TMEM145: variants seen among roughly 807,000 people sequenced by gnomAD.
The protein encoded by TMEM145 is transmembrane protein 145.
A neutral mutation model predicts 68.5 loss-of-function variants in TMEM145; 46 were observed. That is an observed-to-expected ratio of 0.67 (90% CI 0.53 to 0.86). TMEM145 has a LOEUF of 0.86. Ranked by LOEUF, TMEM145 falls within the 40% of genes least tolerant of loss-of-function variation. The probability of loss-of-function intolerance (pLI) is 0.00; values close to 1 mark genes in which losing one functional copy is unlikely to be tolerated. For missense variants in TMEM145, 570 were observed against 645.8 expected, an observed-to-expected ratio of 0.88 and a Z score of 1.27; for synonymous variants, 255 against 280.2, an observed-to-expected ratio of 0.91 and a Z score of 0.90.
chr19:42,316,423 A>G, intron 8 of TMEM145, 58 bp from the exon 9 acceptor site: 2 of 1,527,272 alleles, frequency 1.3e-6, no homozygotes, highest in East Asian at 4.5e-5. Context: ...AGTGCTAGAG[A>G]ACAGTGATGC....
intron 8 of TMEM145, among the ~76,000 whole-genome samples, chr19:42,316,203 G>T (rs866944465): frequency 2.0e-5 from 3 of 148,542 alleles, no homozygotes; most frequent in Non-Finnish European, 4.5e-5. Context: ...TGAAGGAGGA[G>T]GGGGTGGGGG....
At chr19:42,314,406 C>T in intron 2 of TMEM145, 45 bp from the exon 3 acceptor site, 1 of 1,613,834 alleles carries the variant, frequency 6.2e-7, no homozygotes, top group Non-Finnish European at 8.5e-7. Flanking sequence ...CCTCCAAAGG[C>T]ACAGGCTGCC....
chr19:42,319,723 C>G lies in TMEM145; in HGVS notation c.1074-594C>G, dbSNP rs142755566. ...TTGGCCTCCCAAAGTACTGGGATTACAGGCATAAGCCACTGTGCCCGGCCT... is the reference window on the plus strand; with the variant it reads ...TTGGCCTCCCAAAGTACTGGGATTAGAGGCATAAGCCACTGTGCCCGGCCT... On this transcript the variant is annotated intron_variant, in intron 12 of 14. Transcript: ENST00000301204. Among the ~76,000 whole-genome samples, 206 of 145,428 alleles carry G rather than the reference C, an allele frequency of 1.4e-3. 1 individual carries two copies. The highest frequency in any genetic ancestry group is 5.0e-3 in the African/African-American group (197 of 39,234).
chr19:42,319,486 G>A (rs776688120), intron 12 of TMEM145, among the ~76,000 whole-genome samples: 4 of 151,836 alleles, frequency 2.6e-5, no homozygotes, highest in East Asian at 1.9e-4. Flanking sequence ...TTGCTCTGTC[G>A]CCCAGGCTGG....
chr19:42,321,961 G>A (rs370664830), intron 13 of TMEM145, among the ~76,000 whole-genome samples: 6 of 152,234 alleles, frequency 3.9e-5, no homozygotes, highest in African/African-American at 9.6e-5. Context: ...CCAGGGCTCC[G>A]TGGCCTTTGG....
In TMEM145 at chr19:42,314,313, C is replaced by T. The variant is rs138198460; in HGVS notation, c.162C>T (p.Tyr54=). 4.3e-6 allele frequency: 7 copies of T among 1,613,948 alleles called. No homozygotes were observed. The highest frequency in any genetic ancestry group is 5.1e-6 in the Non-Finnish European group (6 of 1,180,024). The change falls in exon 2 of 15, where the codon TAC becomes TAT. Residue 54 remains tyrosine (Y), a synonymous_variant. Transcript: ENST00000301204. ...FLTRFCFLSD[Y]GRLDFRFRYP... ...CAAGATTTTGTTTCCTCTCGGATTA[C>T]GGCCGACTGGACTTCCGTTTCCGCT...
Position 42,316,744 on chromosome 19 carries a change from C to A in TMEM145, c.806+4C>A, listed in dbSNP as rs903626818. On this transcript the variant is annotated splice_donor_region_variant and intron_variant, in intron 10 of 14. Transcript: ENST00000301204. ...GGAAGGGATTCACGGTGACACGGTG[C>A]CCGGGCAGGGCGTGCTCGTGGGGCG... 6.2e-7 allele frequency: 1 copy of A among 1,613,216 alleles called. No homozygotes were observed. The highest frequency in any genetic ancestry group is 8.5e-7 in the Non-Finnish European group (1 of 1,179,900).
chr19:42,324,798 G>C lies in TMEM145; in HGVS notation c.1463G>C (p.Gly488Ala), dbSNP rs757904720. The C allele has an allele frequency of 1.3e-6, 2 of 1,568,582 alleles. No individual in the cohort carries two copies. The highest frequency in any genetic ancestry group is 5.0e-5 in the East Asian group (2 of 40,384). ...CTGTTCCGTGACCTCCGGCCCCCTG[G>C]CCCCCTTCGAGACCTCTGACCCCGC... ...LPLFRDLRPP[G>A]PLRDL The change falls in exon 15 of 15, where the codon GGC becomes GCC. Residue 488 changes from glycine to alanine, a missense_variant. Transcript: ENST00000301204.
At chr19:42,319,992 C>A (rs1027119757) in intron 12 of TMEM145, among the ~76,000 whole-genome samples, 6 of 152,176 alleles carry the variant, frequency 3.9e-5, no homozygotes, top group African/African-American at 1.4e-4. Context: ...CTCCCAACCT[C>A]AGGTGATCTG....
At chr19:42,322,305 C>T (rs1016685835) in intron 13 of TMEM145, among the ~76,000 whole-genome samples, 2 of 152,188 alleles carry the variant, frequency 1.3e-5, no homozygotes, top group Admixed American at 6.5e-5. Context: ...CATTTCCACC[C>T]TCTCATCTTT....
chr19:42,322,816 C>G (rs1324979318), intron 13 of TMEM145, among the ~76,000 whole-genome samples: 1 of 151,998 alleles, frequency 6.6e-6, no homozygotes, highest in African/African-American at 2.4e-5. Context: ...AATTCTCCTG[C>G]CTTAGCCTCC....
At chr19:42,324,371 CCACTTCCCGCT>C in intron 14 of TMEM145, 1 of 985,262 alleles carries the variant, frequency 1.0e-6, no homozygotes, top group Non-Finnish European at 1.2e-6. Flanking sequence ...AGCCTCCCCC[CCACTTCCCGCT>C]CGGTTCCCCA....
chr19:42,314,327 TC>T lies in TMEM145; in HGVS notation c.178del (p.Arg60ValfsTer40). The T allele has an allele frequency of 6.2e-7, 1 of 1,614,026 alleles. No homozygotes were observed. The highest frequency in any genetic ancestry group is 8.5e-7 in the Non-Finnish European group (1 of 1,180,006). ...CFLSDYGRLDFRFRYPEAKCC... is the reference protein window; with the variant it reads ...CFLSDYGRLDXRFRYPEAKCC... ...CTCTCGGATTACGGCCGACTGGACTTCCGTTTCCGCTACCCTGAGGTGAGTC... is the reference window on the plus strand; with the variant it reads ...CTCTCGGATTACGGCCGACTGGACTTCGTTTCCGCTACCCTGAGGTGAGTC... On this transcript the variant is annotated frameshift_variant, in exon 2 of 15. Coordinates refer to ENST00000301204, the MANE Select transcript of TMEM145 (RefSeq NM_173633.3). LOFTEE classifies it high-confidence loss of function.
At chr19:42,318,378 A>C (rs2038880258) in intron 12 of TMEM145, among the ~76,000 whole-genome samples, 1 of 146,176 alleles carries the variant, frequency 6.8e-6, no homozygotes, top group Admixed American at 6.9e-5. Context: ...AAAAAAAAAA[A>C]AAAAAAACCA....
chr19:42,317,640 G>A (rs1281373582), intron 11 of TMEM145, 69 bp from the exon 12 acceptor site: 1 of 1,537,086 alleles, frequency 6.5e-7, no homozygotes, highest in Admixed American at 1.8e-5. Flanking sequence ...AGTGCCCAGG[G>A]GTGGGGTCCG....
Position 42,323,915 on chromosome 19 carries a change from T to G in TMEM145, c.1401+126T>G, listed in dbSNP as rs1157440908. On this transcript the variant is annotated intron_variant, in intron 14 of 14. Coordinates refer to ENST00000301204, the MANE Select transcript of TMEM145 (RefSeq NM_173633.3). Reference sequence around the variant, plus strand: ...TGAGCCCTCCTCCTGCCTTTCGCACTCCCCGCGCCCCAACACCGCGCCGCG... The same window carrying G: ...TGAGCCCTCCTCCTGCCTTTCGCACGCCCCGCGCCCCAACACCGCGCCGCG... 6 of 820,988 alleles carry G rather than the reference T, an allele frequency of 7.3e-6. No homozygotes were observed. In the East Asian group the frequency reaches 1.1e-4, roughly 15 times the overall value. 50.9% of individuals were successfully genotyped at this position (820,988 alleles called of 1,614,324 possible).
At position 42,313,360 on chromosome 19, in the gene TMEM145, G is replaced by A. The variant is rs1360051966; in HGVS notation, c.-17G>A. On this transcript the variant is annotated 5_prime_UTR_variant, in exon 1 of 15. Transcript: ENST00000301204. This position sits in a 1 kb window ranked among gnomAD's most constrained non-coding sequence, Gnocchi z 5.1. ...CAGTGCGGGAGCCGGAGCGGAGCCGGGGCCGGAGCGGGCGGAATGGAGCCC... is the reference window on the plus strand; with the variant it reads ...CAGTGCGGGAGCCGGAGCGGAGCCGAGGCCGGAGCGGGCGGAATGGAGCCC... 1.5e-5 allele frequency: 16 copies of A among 1,054,928 alleles called. No individual in the cohort carries two copies. The highest frequency in any genetic ancestry group is 2.0e-5 in the Non-Finnish European group (16 of 811,202). The allele number at this position is 1,054,928 out of a possible 1,614,324, so 65.3% of individuals were successfully genotyped here. A position where few individuals can be genotyped will look rare whatever the true frequency, so the allele number is the denominator to read the frequency against.
At chr19:42,314,236 G>C in intron 1 of TMEM145, 36 bp from the exon 2 acceptor site, 1 of 1,610,868 alleles carries the variant, frequency 6.2e-7, no homozygotes, top group Non-Finnish European at 8.5e-7. Context: ...GTTCTTGAAG[G>C]ACTCAGCGGA....
In TMEM145 at chr19:42,322,275, G is replaced by C. The variant is rs573918282; in HGVS notation, c.1195-1308G>C. Reference sequence around the variant, plus strand: ...AATGCTGAGAACCCATCATGTGCTGGGCTCTGCACCAGTGGTTTTCATTTC... The same window carrying C: ...AATGCTGAGAACCCATCATGTGCTGCGCTCTGCACCAGTGGTTTTCATTTC... On this transcript the variant is annotated intron_variant, in intron 13 of 14. Transcript: ENST00000301204. 3.9e-5 allele frequency among the ~76,000 whole-genome samples: 6 copies of C among 152,290 alleles called. No homozygotes were observed. In the South Asian group the frequency reaches 8.3e-4, roughly 21 times the overall value.
Sources: gnomAD v4.1 joint callset for allele counts (sites outside exome capture counted in the v4.1 genomes callset) on GRCh38, gnomAD v4.1.1 for gene constraint, Gnocchi (gnomAD v3.1) non-coding constraint, MANE v1.5 for transcripts, NCBI Gene and HGNC (gene_info 2026-07-23, HGNC 2026-07-21) for gene names.